Variants in KLHL1 observed in about 807,000 individuals in gnomAD.
The protein encoded by KLHL1 is kelch like family member 1, also known as kelch-like protein 1.
Under a neutral mutation model 77.7 loss-of-function variants are expected in KLHL1, and 47 were observed. That is an observed-to-expected ratio of 0.60 (90% confidence interval 0.48 to 0.77). KLHL1 has a LOEUF of 0.77. Ranked by LOEUF, KLHL1 falls within the 30% of genes least tolerant of loss-of-function variation. KLHL1 has a pLI of 0.00. For missense variants in KLHL1, 925 were observed against 910.8 expected (o/e 1.02, Z -0.20); for synonymous variants, 360 against 325.2 (o/e 1.11, Z -1.15).
At chr13:69,816,510 C>T (rs1195974418) in intron 6 of KLHL1, among the ~76,000 whole-genome samples, 1 of 151,994 alleles carries the variant, frequency 6.6e-6, no homozygotes, top group African/African-American at 2.4e-5. Flanking sequence ...AATGATCCAC[C>T]CGCCTAGGCC....
intron 4 of KLHL1, among the ~76,000 whole-genome samples, chr13:69,938,566 T>C (rs868116): frequency 0.57 from 87,121 of 151,820 alleles, 25,186 homozygotes; most frequent in South Asian, 0.63. Context: ...CCTCTGGATA[T>C]GGAGGCATAT....
intron 1 of KLHL1, among the ~76,000 whole-genome samples, chr13:70,078,870 G>C (rs7332679): frequency 0.14 from 22,027 of 152,122 alleles, 1,727 homozygotes; most frequent in Non-Finnish European, 0.15. Flanking sequence ...AGCATGAAAA[G>C]TGAATATGTT....
intron 1 of KLHL1, among the ~76,000 whole-genome samples, chr13:70,078,232 C>A (rs541981824): frequency 6.6e-6 from 1 of 151,270 alleles, no homozygotes; most frequent in East Asian, 1.9e-4. Context: ...CACTTAAGTA[C>A]CAACCAACCA....
intron 2 of KLHL1, among the ~76,000 whole-genome samples, chr13:69,967,379 G>A (rs191843700): frequency 9.1e-4 from 139 of 152,184 alleles, no homozygotes; most frequent in African/African-American, 3.2e-3. Context: ...CATCAGTGGA[G>A]GAAGTAACCT....
At chr13:69,799,948 G>A (rs555757338) in intron 6 of KLHL1, among the ~76,000 whole-genome samples, 31 of 152,232 alleles carry the variant, frequency 2.0e-4, no homozygotes, top group African/African-American at 7.0e-4. Context: ...ACTGTGCATG[G>A]GAGGGATCTA....
chr13:69,851,801 A>G (rs1879700890), intron 5 of KLHL1, among the ~76,000 whole-genome samples: 2 of 151,828 alleles, frequency 1.3e-5, no homozygotes, highest in South Asian at 4.1e-4. Flanking sequence ...TGCAGAACTC[A>G]TCTATCTGCA....
chr13:69,740,352 C>A, intron 8 of KLHL1, 42 bp downstream of exon 8: 1 of 1,377,242 alleles, frequency 7.3e-7, no homozygotes, highest in Non-Finnish European at 9.9e-7. Flanking sequence ...TACCCAATAA[C>A]TTTTTTTCTA....
In KLHL1 at chr13:69,755,325, G is replaced by A. The variant is rs527788831; in HGVS notation, c.1640-14769C>T. Among the ~76,000 whole-genome samples the A allele has an allele frequency of 3.0e-4, 45 of 151,990 alleles. 1 individual carries two copies. Among genetic ancestry groups the A allele is most frequent in the Admixed American group, 7.2e-4 (11 of 15,258 alleles). On this transcript the variant is annotated intron_variant, in intron 7 of 10. Coordinates refer to ENST00000377844, the MANE Select transcript of KLHL1 (RefSeq NM_020866.3). ...GTGTATCACGTGACAAGAGCTTCCT[G>A]AGGCTTCACTAAAAGGTTTGTGGAT...
intron 10 of KLHL1, among the ~76,000 whole-genome samples, chr13:69,704,842 G>A (rs895977353): frequency 1.3e-5 from 2 of 151,652 alleles, no homozygotes; most frequent in African/African-American, 2.4e-5. Context: ...TGAAATAAAA[G>A]TAACGCTGAA....
intron 4 of KLHL1, among the ~76,000 whole-genome samples, chr13:69,890,251 T>C (rs1181905090): frequency 6.6e-6 from 1 of 151,866 alleles, no homozygotes; most frequent in Non-Finnish European, 1.5e-5. Context: ...AAAAAGAAAA[T>C]GTTTGTAATA....
chr13:69,784,561 A>G (rs1876409648), intron 7 of KLHL1, among the ~76,000 whole-genome samples: 1 of 151,766 alleles, frequency 6.6e-6, no homozygotes, highest in Non-Finnish European at 1.5e-5. Flanking sequence ...CAGACTTTAA[A>G]CCAACAAAGA....
chr13:70,009,685 A>C (rs1004931746), intron 1 of KLHL1, among the ~76,000 whole-genome samples: 5 of 152,134 alleles, frequency 3.3e-5, no homozygotes, highest in African/African-American at 1.2e-4. Context: ...TGTGAGCTTC[A>C]ATTTTTTCAT....
rs1882389804 is a variant in KLHL1, at chr13:69,915,324, G to A, written c.1014+24716C>T. On this transcript the variant is annotated intron_variant, in intron 4 of 10. Transcript: ENST00000377844. Reference sequence around the variant, plus strand: ...AAAAGAACAAAGCTGGAGGCATCAGGCTACCTGACTTCAAACTATACTACA... The same window carrying A: ...AAAAGAACAAAGCTGGAGGCATCAGACTACCTGACTTCAAACTATACTACA... Among the ~76,000 whole-genome samples, 4 of 152,206 alleles carry A rather than the reference G, an allele frequency of 2.6e-5. No homozygotes were observed. The South Asian group carries it at 8.3e-4, about 32-fold the overall frequency.
intron 5 of KLHL1, among the ~76,000 whole-genome samples, chr13:69,876,915 T>C (rs534355283): frequency 6.6e-6 from 1 of 152,168 alleles, no homozygotes; most frequent in East Asian, 1.9e-4. Flanking sequence ...CGCATGCATG[T>C]AATCCCAGCT....
At chr13:69,729,468 C>T (rs1028710108) in intron 8 of KLHL1, among the ~76,000 whole-genome samples, 5 of 151,914 alleles carry the variant, frequency 3.3e-5, no homozygotes, top group Admixed American at 2.0e-4. Context: ...AGGGAAACAA[C>T]AGCCAGGTTA....
At chr13:69,952,629 C>A (rs1191180173) in intron 3 of KLHL1, among the ~76,000 whole-genome samples, 2 of 151,316 alleles carry the variant, frequency 1.3e-5, no homozygotes, top group Non-Finnish European at 3.0e-5. Context: ...CAAGGTATTC[C>A]TTCAGAACAT....
intron 4 of KLHL1, among the ~76,000 whole-genome samples, chr13:69,889,478 C>A (rs1281935983): frequency 6.6e-6 from 1 of 152,008 alleles, no homozygotes; most frequent in East Asian, 1.9e-4. Context: ...CATTACACAA[C>A]CTGGCCTATC....
intron 1 of KLHL1, among the ~76,000 whole-genome samples, chr13:70,008,717 A>G (rs1010606782): frequency 6.6e-6 from 1 of 152,094 alleles, no homozygotes; most frequent in African/African-American, 2.4e-5. Context: ...ATATTTTTGT[A>G]GAGACTTGAA....
chr13:69,902,852 A>G (rs1386875885), intron 4 of KLHL1, among the ~76,000 whole-genome samples: 1 of 152,150 alleles, frequency 6.6e-6, no homozygotes, highest in Non-Finnish European at 1.5e-5. Context: ...ACATGTATAC[A>G]TATGCAACTA....
Sources: gnomAD v4.1 joint callset for allele counts (sites outside exome capture counted in the v4.1 genomes callset) on GRCh38, gnomAD v4.1.1 for gene constraint, MANE v1.5 for transcripts, NCBI Gene and HGNC (gene_info 2026-07-23, HGNC 2026-07-21) for gene names.